LAMP3: variants seen among roughly 807,000 people sequenced by gnomAD.
The protein encoded by LAMP3 is lysosome-associated membrane glycoprotein 3.
LAMP3 carries 26 observed loss-of-function variants against 34.8 expected under a neutral mutation model. That is an observed-to-expected ratio of 0.75 (90% CI 0.55 to 1.04). LAMP3 has a LOEUF of 1.04. LAMP3 is among the 50% of genes least tolerant of loss of function. LAMP3 has a pLI of 0.00. For synonymous variants in LAMP3, 180 were observed against 201.9 expected (o/e 0.89, Z 0.92); for missense variants, 495 against 524.0 (o/e 0.94, Z 0.54).
chr3:183,124,306 TCAAA>T (rs1255070031), intron 5 of LAMP3, 92 bp from the exon 6 acceptor site: 2 of 1,188,972 alleles, frequency 1.7e-6, no homozygotes, highest in East Asian at 2.8e-5. Context: ...AGCTTTGGCA[TCAAA>T]CAAAGCTTGA....
At chr3:183,132,667 G>A (rs1158055350) in intron 5 of LAMP3, 1 of 985,344 alleles carries the variant, frequency 1.0e-6, no homozygotes, top group Non-Finnish European at 1.2e-6. Flanking sequence ...TCCCAGCACT[G>A]CGGTAGCCCT....
intron 1 of LAMP3, 33 bp from the exon 2 acceptor site, chr3:183,154,424 C>G (rs558086469): frequency 4.0e-6 from 6 of 1,501,586 alleles, no homozygotes; most frequent in Non-Finnish European, 5.4e-6. Context: ...GTTAAAAACA[C>G]TAACCGATTG....
At chr3:183,151,206 T>A (rs996297913) in intron 3 of LAMP3, among the ~76,000 whole-genome samples, 7 of 152,156 alleles carry the variant, frequency 4.6e-5, no homozygotes, top group African/African-American at 1.7e-4. Context: ...CCTGAGATCA[T>A]GCAGCTAATC....
intron 5 of LAMP3, chr3:183,132,810 TG>T (rs1719966343): frequency 1.0e-6 from 1 of 985,444 alleles, no homozygotes; most frequent in African/African-American, 1.7e-5. Flanking sequence ...TTGAAGAAAG[TG>T]GGGCTTTACA....
chr3:183,140,631 T>G, intron 3 of LAMP3, 36 bp from the exon 4 acceptor site: 2 of 1,264,180 alleles, frequency 1.6e-6, no homozygotes, highest in Non-Finnish European at 2.3e-6. Flanking sequence ...TTGGGTTATC[T>G]CTACTCATAT....
At chr3:183,132,821 A>G in intron 5 of LAMP3, 1 of 985,442 alleles carries the variant, frequency 1.0e-6, no homozygotes, top group Admixed American at 6.1e-5. Context: ...GGGGCTTTAC[A>G]TGCGTTCATA....
intron 3 of LAMP3, among the ~76,000 whole-genome samples, chr3:183,151,353 C>T (rs7648312): frequency 0.05 from 7,582 of 152,194 alleles, 426 homozygotes; most frequent in East Asian, 0.21. Context: ...AAGACATTTG[C>T]CTGTTTCAAT....
At chr3:183,126,179 A>G (rs1350197849) in intron 5 of LAMP3, among the ~76,000 whole-genome samples, 1 of 152,152 alleles carries the variant, frequency 6.6e-6, no homozygotes, top group East Asian at 1.9e-4. Flanking sequence ...ATACGTAAAA[A>G]CTAAAATAGT....
At chr3:183,159,476 G>C (rs1481417344) in intron 1 of LAMP3, among the ~76,000 whole-genome samples, 1 of 152,234 alleles carries the variant, frequency 6.6e-6, no homozygotes, top group African/African-American at 2.4e-5. Flanking sequence ...TGTCTGCAGA[G>C]CTCTGAGGAG....
chr3:183,135,145 A>T (rs1386799973), intron 5 of LAMP3, among the ~76,000 whole-genome samples: 1 of 152,228 alleles, frequency 6.6e-6, no homozygotes, highest in Non-Finnish European at 1.5e-5. Flanking sequence ...TCAGAACTCA[A>T]GGCAGAAGTT....
chr3:183,145,527 A>G (rs1348960481), intron 3 of LAMP3, among the ~76,000 whole-genome samples: 1 of 152,132 alleles, frequency 6.6e-6, no homozygotes, highest in African/African-American at 2.4e-5. Context: ...ATTTTTCTTT[A>G]TGTTGTTGTC....
At chr3:183,160,688 T>C (rs1440933197) in intron 1 of LAMP3, among the ~76,000 whole-genome samples, 2 of 152,266 alleles carry the variant, frequency 1.3e-5, no homozygotes, top group East Asian at 3.9e-4. Flanking sequence ...AAATAAGTTA[T>C]AGGTAAGTAG....
intron 3 of LAMP3, among the ~76,000 whole-genome samples, chr3:183,149,544 C>CAAAA (rs1177679833): frequency 2.8e-4 from 26 of 93,400 alleles, no homozygotes; most frequent in South Asian, 7.3e-4. Context: ...GACTCCAACT[C>CAAAA]AAAAAAAAAA....
At chr3:183,157,729 T>C (rs1183578233) in intron 1 of LAMP3, among the ~76,000 whole-genome samples, 1 of 150,430 alleles carries the variant, frequency 6.6e-6, no homozygotes, top group East Asian at 2.0e-4. Flanking sequence ...TTTCCTAAAC[T>C]CAGTAGTGCA....
intron 1 of LAMP3, among the ~76,000 whole-genome samples, chr3:183,156,968 G>A (rs999737315): frequency 6.6e-6 from 1 of 152,170 alleles, no homozygotes; most frequent in African/African-American, 2.4e-5. Flanking sequence ...ACAGGAGGGT[G>A]CCCTCCAGTG....
intron 4 of LAMP3, among the ~76,000 whole-genome samples, chr3:183,139,975 C>T (rs987932752): frequency 6.6e-6 from 1 of 152,196 alleles, no homozygotes; most frequent in African/African-American, 2.4e-5. Flanking sequence ...CCACTAAACT[C>T]TTTATTGTTG....
intron 5 of LAMP3, among the ~76,000 whole-genome samples, chr3:183,126,563 T>TGTGTGTGTGTGTGC (rs1289493902): frequency 4.7e-5 from 7 of 149,056 alleles, no homozygotes; most frequent in African/African-American, 1.8e-4. Flanking sequence ...TGTGTGTGTG[T>TGTGTGTGTGTGTGC]GCACACGTGT....
Position 183,140,593 on chromosome 3 carries a change from A to C in LAMP3, c.891T>G (p.Asp297Glu). Residue 297 changes from aspartate to glutamate, a missense_variant and splice_region_variant, in exon 4 of 6, where the codon GAT becomes GAG. Physicochemically the swap from Asp to Glu is conservative, Grantham distance 45 (BLOSUM62 2). Coordinates refer to ENST00000265598, the MANE Select transcript of LAMP3 (RefSeq NM_014398.4). ...GGFVNLTFTKDEESYYISEVG... is the reference protein window; with the variant it reads ...GGFVNLTFTKEEESYYISEVG... ...CTTCACTGATATAATATGATTCTTC[A>C]TCCTGTAAAACAGTAGGGTGTTAAC... 1 of 1,592,984 alleles carries C rather than the reference A, an allele frequency of 6.3e-7. No individual in the cohort carries two copies. The highest frequency in any genetic ancestry group is 8.6e-7 in the Non-Finnish European group (1 of 1,160,948).
intron 1 of LAMP3, among the ~76,000 whole-genome samples, chr3:183,157,470 T>G (rs774894724): frequency 6.6e-6 from 1 of 152,212 alleles, no homozygotes; most frequent in Admixed American, 6.5e-5. Context: ...GCGTTGCTGG[T>G]TCTCTGGTCA....
Sources: gnomAD v4.1 joint callset for allele counts (sites outside exome capture counted in the v4.1 genomes callset) on GRCh38, gnomAD v4.1.1 for gene constraint, MANE v1.5 for transcripts, NCBI Gene and HGNC (gene_info 2026-07-23, HGNC 2026-07-21) for gene names.